Variants in SLC6A17 observed in about 807,000 individuals in gnomAD.
SLC6A17 encodes the protein sodium-dependent neutral amino acid transporter SLC6A17.
A neutral mutation model predicts 64.5 loss-of-function variants in SLC6A17; 21 were observed. The ratio of observed to expected loss-of-function variants is 0.33; its 90% CI spans 0.23 to 0.47. The LOEUF (loss-of-function observed/expected upper bound fraction) is 0.47. Ranked by LOEUF, SLC6A17 falls within the 20% of genes least tolerant of loss-of-function variation. SLC6A17 has a pLI of 1.00. For missense variants in SLC6A17, 682 were observed against 963.2 expected (o/e 0.71, Z 3.86); for synonymous variants, 372 against 399.5 (o/e 0.93, Z 0.82).
At chr1:110,197,011 C>T (rs1361703832) in intron 10 of SLC6A17, among the ~76,000 whole-genome samples, 1 of 152,206 alleles carries the variant, frequency 6.6e-6, no homozygotes, top group Non-Finnish European at 1.5e-5. Context: ...TCTGCTCACC[C>T]CTTGGTGAGA....
chr1:110,168,586 T>C (rs1656135634), intron 2 of SLC6A17, among the ~76,000 whole-genome samples: 1 of 152,244 alleles, frequency 6.6e-6, no homozygotes. Context: ...ACTGAGTTGA[T>C]GTAAGACTAG....
intron 1 of SLC6A17, among the ~76,000 whole-genome samples, chr1:110,152,046 C>T (rs1655624300): frequency 6.6e-6 from 1 of 152,190 alleles, no homozygotes; most frequent in Admixed American, 6.5e-5. Context: ...ACTGTTAAGG[C>T]CTTGCTGGAC....
intron 5 of SLC6A17, 48 bp downstream of exon 5, chr1:110,175,008 A>G (rs758042488): frequency 6.3e-7 from 1 of 1,579,632 alleles, no homozygotes; most frequent in South Asian, 1.2e-5. Flanking sequence ...AACAGCAGAA[A>G]GGCACAGAGG....
intron 10 of SLC6A17, 103 bp downstream of exon 10, chr1:110,195,848 G>A: frequency 6.7e-7 from 1 of 1,503,738 alleles, no homozygotes; most frequent in Non-Finnish European, 9.0e-7. Flanking sequence ...AGCTGAAAGT[G>A]CCCTTACGGA....
rs1188963728 is a variant in SLC6A17 at position 110,198,514 on chromosome 1, T to C, written c.*70T>C. ...CCCACTTGTCCAGGCCTGGCCTCTT[T>C]CTTGAGGTGGCCACCAGGCCCAGGC... is the stretch of plus-strand genomic sequence containing the variant. On this transcript the variant is annotated 3_prime_UTR_variant, in exon 12 of 12. Coordinates refer to ENST00000331565, the MANE Select transcript of SLC6A17 (RefSeq NM_001010898.4). 2 of 1,532,456 alleles carry C rather than the reference T, an allele frequency of 1.3e-6. No homozygotes were observed. Among genetic ancestry groups the C allele is most frequent in the African/African-American group, 2.7e-5 (2 of 72,744 alleles). 94.9% of individuals were successfully genotyped at this position (1,532,456 alleles called of 1,614,324 possible). A position where few individuals can be genotyped will look rare whatever the true frequency, so the allele number is the denominator to read the frequency against.
chr1:110,176,534 A>AG, intron 5 of SLC6A17, 95 bp from the exon 6 acceptor site: 1 of 1,163,638 alleles, frequency 8.6e-7, no homozygotes, highest in Non-Finnish European at 1.3e-6. Flanking sequence ...TGCTGCCATC[A>AG]GGGGCGGCTC....
chr1:110,174,098 A>C lies in SLC6A17; in HGVS notation c.570A>C (p.Ala190=). The C allele has an allele frequency of 6.2e-7, 1 of 1,613,938 alleles. No homozygotes were observed. Among genetic ancestry groups the C allele is most frequent in the Non-Finnish European group, 8.5e-7 (1 of 1,179,894 alleles). ...CTGTCGTCAGGAATGGGAGCGTGGC[A>C]GGCAAGTATGGGGCCCAGCTGGGGA... is the stretch of plus-strand genomic sequence containing the variant. The part of the protein sequence containing the change: ...ECPVVRNGSV[A]VVEAECEKSS... The change falls in exon 4 of 12, where the codon GCA becomes GCC. Residue 190 remains alanine (A), a splice_region_variant and synonymous_variant. Coordinates refer to ENST00000331565, the MANE Select transcript of SLC6A17 (RefSeq NM_001010898.4).
intron 5 of SLC6A17, among the ~76,000 whole-genome samples, chr1:110,175,623 A>G (rs1333888898): frequency 6.6e-6 from 1 of 152,228 alleles, no homozygotes; most frequent in African/African-American, 2.4e-5. Context: ...TGAGGCCCAG[A>G]GAGGGGAAAG....
rs763486473 is a variant in SLC6A17, at chr1:110,195,650, T to G, written c.1557T>G (p.Phe519Leu). 1 of 1,614,250 alleles carries G rather than the reference T, an allele frequency of 6.2e-7. No homozygotes were observed. Among genetic ancestry groups the G allele is most frequent in the Admixed American group, 1.7e-5 (1 of 60,034 alleles). ...LLFVQRSGNY[F>L]VTMFDDYSAT... ...TCGTCCAGCGCTCCGGAAACTACTTTGTCACCATGTTCGATGACTACTCGG... is the reference window on the plus strand; with the variant it reads ...TCGTCCAGCGCTCCGGAAACTACTTGGTCACCATGTTCGATGACTACTCGG... The change falls in exon 10 of 12, where the codon TTT (phenylalanine) becomes TTG (leucine). Residue 519 changes from phenylalanine to leucine, a missense_variant. By Grantham distance (22) the Phe-to-Leu change is conservative. This residue lies in a region of SLC6A17 where 264 missense variants were observed against 339.5 expected (regional missense o/e 0.78). Coordinates refer to ENST00000331565, the MANE Select transcript of SLC6A17 (RefSeq NM_001010898.4).
chr1:110,183,679 A>G (rs1656590332), intron 6 of SLC6A17, among the ~76,000 whole-genome samples: 1 of 152,244 alleles, frequency 6.6e-6, no homozygotes, highest in African/African-American at 2.4e-5. Flanking sequence ...TGCAGTGCTC[A>G]GCTGGAAGAG....
chr1:110,161,943 C>T (rs908976020), intron 1 of SLC6A17, among the ~76,000 whole-genome samples: 3 of 152,234 alleles, frequency 2.0e-5, no homozygotes, highest in Non-Finnish European at 2.9e-5. Flanking sequence ...CCCAGTCACA[C>T]TATTTTTTCT....
At position 110,198,736 on chromosome 1, in the gene SLC6A17, C is replaced by G. The variant is rs1403081855; in HGVS notation, c.*292C>G. 2.0e-5 allele frequency: 7 copies of G among 346,722 alleles called. No individual in the cohort carries two copies. Among genetic ancestry groups the G allele is most frequent in the Non-Finnish European group, 3.7e-5 (7 of 191,010 alleles). 21.5% of individuals were successfully genotyped at this position (346,722 alleles called of 1,614,324 possible). The stretch of plus-strand genomic sequence containing the variant: ...TGGAACAACCCATAAGGCCTGCTTC[C>G]CAGTCCATGGGAGATTCCAAGTGGC... On this transcript the variant is annotated 3_prime_UTR_variant, in exon 12 of 12. Transcript: ENST00000331565.
intron 6 of SLC6A17, among the ~76,000 whole-genome samples, chr1:110,189,627 C>G (rs189657334): frequency 4.6e-5 from 7 of 152,308 alleles, no homozygotes; most frequent in South Asian, 2.1e-4. Context: ...AAGACAGGAT[C>G]TGTACAGGCC....
intron 1 of SLC6A17, among the ~76,000 whole-genome samples, chr1:110,152,331 C>T (rs537559804): frequency 6.6e-6 from 1 of 152,328 alleles, no homozygotes; most frequent in African/African-American, 2.4e-5. Context: ...GAAGCTCAGC[C>T]TGGAGGGTGA....
rs1046762941 is a variant in SLC6A17 at position 110,200,255 on chromosome 1, G to C, written c.*1811G>C. Reference sequence around the variant, plus strand: ...CTCCCTTACTCATCCCTCTTCCACAGCTTCCCCTTTCTAGCCCCCTCTGCC... The same window carrying C: ...CTCCCTTACTCATCCCTCTTCCACACCTTCCCCTTTCTAGCCCCCTCTGCC... On this transcript the variant is annotated 3_prime_UTR_variant, in exon 12 of 12. Transcript: ENST00000331565. 4.3e-5 allele frequency: 17 copies of C among 395,770 alleles called. No homozygotes were observed. Among genetic ancestry groups the C allele is most frequent in the African/African-American group, 3.3e-4 (16 of 48,274 alleles). The allele number at this position is 395,770 out of a possible 1,614,324, so 24.5% of individuals were successfully genotyped here.
At chr1:110,156,064 C>T (rs1416408942) in intron 1 of SLC6A17, among the ~76,000 whole-genome samples, 1 of 152,210 alleles carries the variant, frequency 6.6e-6, no homozygotes, top group Non-Finnish European at 1.5e-5. Context: ...ACTGCGCAAC[C>T]TGGGGCTGGC....
At chr1:110,172,618 G>A (rs1157875311) in intron 3 of SLC6A17, 1 of 159,334 alleles carries the variant, frequency 6.3e-6, no homozygotes, top group African/African-American at 2.4e-5. Context: ...AGTATTTTAA[G>A]CAGGCAAGCA....
At chr1:110,196,576 T>A (rs1474234062) in intron 10 of SLC6A17, among the ~76,000 whole-genome samples, 1 of 152,228 alleles carries the variant, frequency 6.6e-6, no homozygotes, top group African/African-American at 2.4e-5. Context: ...TGTCCTGGAC[T>A]CCTTCGGCAG....
At chr1:110,172,031 C>A in intron 2 of SLC6A17, 29 bp from the exon 3 acceptor site, 1 of 1,611,458 alleles carries the variant, frequency 6.2e-7, no homozygotes, top group Non-Finnish European at 8.5e-7. Flanking sequence ...CTCCAGAGCC[C>A]CTCTGCCATC....
Sources: gnomAD v4.1 joint callset for allele counts (sites outside exome capture counted in the v4.1 genomes callset) on GRCh38, gnomAD v4.1.1 for gene constraint, gnomAD v4.1.1 regional missense constraint, MANE v1.5 for transcripts, NCBI Gene and HGNC (gene_info 2026-07-23, HGNC 2026-07-21) for gene names.